The following CSMD1 variants were observed in gnomAD, a reference collection of about 807,000 sequenced individuals.
CSMD1 encodes the protein CUB and Sushi multiple domains 1, also known as CUB and sushi domain-containing protein 1.
Under a neutral mutation model 417.5 loss-of-function variants are expected in CSMD1, and 213 were observed. The ratio of observed to expected loss-of-function variants is 0.51; its 90% CI spans 0.46 to 0.57. The LOEUF (loss-of-function observed/expected upper bound fraction) is 0.57, where lower values mean the gene tolerates loss of function less well. Ranked by LOEUF, CSMD1 falls within the 20% of genes least tolerant of loss-of-function variation. The probability of loss-of-function intolerance (pLI) is 0.00; values close to 1 mark genes in which losing one functional copy is unlikely to be tolerated. For synonymous variants in CSMD1, 2,862 were observed against 1,736.8 expected (o/e 1.65, Z -16.11); for missense variants, 6,923 against 4,529.7 (o/e 1.53, Z -15.17).
At chr8:4,624,007 G>T (rs1042571687) in intron 2 of CSMD1, among the ~76,000 whole-genome samples, 2 of 152,036 alleles carry the variant, frequency 1.3e-5, no homozygotes, top group Non-Finnish European at 2.9e-5. Context: ...CTTTAAATGT[G>T]AATAATTGTA....
At chr8:4,660,785 A>C (rs1453464800) in intron 1 of CSMD1, among the ~76,000 whole-genome samples, 1 of 152,064 alleles carries the variant, frequency 6.6e-6, no homozygotes, top group African/African-American at 2.4e-5. Context: ...CCATAAAGCC[A>C]ACAATCCAAT....
intron 12 of CSMD1, among the ~76,000 whole-genome samples, chr8:3,451,084 C>T (rs1214134646): frequency 1.3e-5 from 2 of 152,182 alleles, no homozygotes; most frequent in Non-Finnish European, 2.9e-5. Flanking sequence ...AGCATTTTTT[C>T]ACGTCTCTTT....
chr8:4,638,305 G>A (rs1281966149), intron 1 of CSMD1, among the ~76,000 whole-genome samples: 2 of 152,088 alleles, frequency 1.3e-5, no homozygotes, highest in Non-Finnish European at 2.9e-5. Context: ...CCACATAACT[G>A]CAATATGTGG....
At chr8:3,871,304 CTAG>C (rs1413179772) in intron 5 of CSMD1, among the ~76,000 whole-genome samples, 1 of 152,044 alleles carries the variant, frequency 6.6e-6, no homozygotes, top group African/African-American at 2.4e-5. Context: ...TATACTCCTA[CTAG>C]TAGTGTTGGA....
chr8:4,680,506 G>A (rs542407788), intron 1 of CSMD1, among the ~76,000 whole-genome samples: 3 of 152,258 alleles, frequency 2.0e-5, no homozygotes, highest in Admixed American at 6.5e-5. Flanking sequence ...ATTATAGAGA[G>A]GGAGGAAGGA....
intron 3 of CSMD1, among the ~76,000 whole-genome samples, chr8:4,292,940 C>T (rs569631252): frequency 6.6e-6 from 1 of 152,142 alleles, no homozygotes; most frequent in African/African-American, 2.4e-5. Flanking sequence ...CAGAAACCAA[C>T]AAGGGACCCA....
intron 5 of CSMD1, among the ~76,000 whole-genome samples, chr8:3,888,924 C>T (rs1034299506): frequency 3.9e-5 from 6 of 152,034 alleles, no homozygotes; most frequent in African/African-American, 1.2e-4. Flanking sequence ...TATCTTTATA[C>T]CATTTAGGTT....
chr8:3,496,921 G>A (rs1022966494), intron 10 of CSMD1, among the ~76,000 whole-genome samples: 1 of 152,160 alleles, frequency 6.6e-6, no homozygotes, highest in Non-Finnish European at 1.5e-5. Context: ...TCAGGAACAT[G>A]TTTAATTTCC....
At chr8:3,971,871 T>C (rs1191897774) in intron 5 of CSMD1, among the ~76,000 whole-genome samples, 2 of 152,222 alleles carry the variant, frequency 1.3e-5, no homozygotes, top group Admixed American at 1.3e-4. Flanking sequence ...ACTAGGTTTC[T>C]GTTTCTTTGT....
At chr8:3,646,152 C>G (rs1797559262) in intron 7 of CSMD1, among the ~76,000 whole-genome samples, 1 of 150,984 alleles carries the variant, frequency 6.6e-6, no homozygotes, top group Non-Finnish European at 1.5e-5. Context: ...GAAAAATTCA[C>G]AATATATAAA....
chr8:3,756,720 T>C (rs1242203066), intron 5 of CSMD1, among the ~76,000 whole-genome samples: 3 of 152,226 alleles, frequency 2.0e-5, no homozygotes, highest in East Asian at 1.9e-4. Flanking sequence ...TCAATGCTTG[T>C]TTTGTTGCTG....
intron 1 of CSMD1, among the ~76,000 whole-genome samples, chr8:4,976,822 ATTCAT>A (rs1416888382): frequency 6.6e-6 from 1 of 152,176 alleles, no homozygotes; most frequent in Non-Finnish European, 1.5e-5. Flanking sequence ...TTTATTAAAT[ATTCAT>A]TTAAGTAAGT....
chr8:4,159,871 T>A (rs1040056096), intron 3 of CSMD1, among the ~76,000 whole-genome samples: 1 of 152,016 alleles, frequency 6.6e-6, no homozygotes, highest in Non-Finnish European at 1.5e-5. Flanking sequence ...TTCTCACCCA[T>A]AAGTGCGAGC....
chr8:3,521,577 G>C (rs1292237589), intron 10 of CSMD1, among the ~76,000 whole-genome samples: 4 of 152,100 alleles, frequency 2.6e-5, no homozygotes, highest in Non-Finnish European at 5.9e-5. Context: ...ATCTATTACT[G>C]ACCATCATTG....
chr8:3,219,111 G>T (rs911644830), intron 29 of CSMD1, 144 bp downstream of exon 29: 1 of 605,054 alleles, frequency 1.7e-6, no homozygotes, highest in Non-Finnish European at 2.8e-6. Flanking sequence ...GGAGAGGGAG[G>T]AGACATGTAT....
At chr8:4,017,094 G>C (rs575182892) in intron 4 of CSMD1, among the ~76,000 whole-genome samples, 57 of 152,278 alleles carry the variant, frequency 3.7e-4, no homozygotes, top group Middle Eastern at 3.4e-3. Context: ...CTCAGTGACC[G>C]CGGTGTTCAG....
chr8:4,413,331 C>T (rs1274618478), intron 3 of CSMD1, among the ~76,000 whole-genome samples: 1 of 152,104 alleles, frequency 6.6e-6, no homozygotes, highest in Non-Finnish European at 1.5e-5. Context: ...CGTGGGGCTG[C>T]CCAAACCAAT....
intron 6 of CSMD1, among the ~76,000 whole-genome samples, chr8:3,744,321 C>A (rs541995076): frequency 3.5e-4 from 54 of 152,270 alleles, no homozygotes; most frequent in African/African-American, 1.3e-3. Flanking sequence ...AGCATCTACT[C>A]TGCCTGTGAT....
chr8:3,061,437 G>C (rs377068960), intron 49 of CSMD1, among the ~76,000 whole-genome samples: 4 of 152,094 alleles, frequency 2.6e-5, no homozygotes, highest in African/African-American at 9.7e-5. Flanking sequence ...CAGAATGTTC[G>C]GGACATTTAC....
Sources: gnomAD v4.1 joint callset for allele counts (sites outside exome capture counted in the v4.1 genomes callset) on GRCh38, gnomAD v4.1.1 for gene constraint, MANE v1.5 for transcripts, NCBI Gene and HGNC (gene_info 2026-07-23, HGNC 2026-07-21) for gene names.